Variants in MYO1D observed in about 807,000 individuals in gnomAD.
MYO1D encodes the protein myosin ID.
Under a neutral mutation model 122.0 loss-of-function variants are expected in MYO1D, and 83 were observed. The ratio of observed to expected loss-of-function variants is 0.68; its 90% CI spans 0.57 to 0.82. The LOEUF is 0.82. Among genes scored for constraint, MYO1D ranks in the 40% least tolerant of loss-of-function variants. The probability of loss-of-function intolerance (pLI) is 0.00; values close to 1 mark genes in which losing one functional copy is unlikely to be tolerated. For missense variants in MYO1D, 1,157 were observed against 1,269.5 expected, an observed-to-expected ratio of 0.91 and a Z score of 1.35; for synonymous variants, 464 against 446.9, an observed-to-expected ratio of 1.04 and a Z score of -0.48.
chr17:32,571,257 G>A (rs893435250), intron 21 of MYO1D, among the ~76,000 whole-genome samples: 5 of 152,040 alleles, frequency 3.3e-5, no homozygotes, highest in Admixed American at 1.3e-4. Context: ...GCAAACGAAC[G>A]GGTAAAGAAA....
At chr17:32,535,459 T>C (rs1910632674) in intron 21 of MYO1D, among the ~76,000 whole-genome samples, 1 of 152,212 alleles carries the variant, frequency 6.6e-6, no homozygotes, top group South Asian at 2.1e-4. Flanking sequence ...CAATACATTG[T>C]ACTTGTGGCC....
At chr17:32,822,494 G>A (rs1171034460) in intron 1 of MYO1D, among the ~76,000 whole-genome samples, 2 of 144,708 alleles carry the variant, frequency 1.4e-5, no homozygotes, top group South Asian at 2.2e-4. Flanking sequence ...GCGCGTCCCC[G>A]GTCGGCGCGC....
At chr17:32,610,874 C>G (rs1368628092) in intron 20 of MYO1D, among the ~76,000 whole-genome samples, 1 of 152,182 alleles carries the variant, frequency 6.6e-6, no homozygotes, top group African/African-American at 2.4e-5. Context: ...ATGCGTTTCT[C>G]CGAACAAAAG....
chr17:32,705,748 T>C (rs999148817), intron 16 of MYO1D, among the ~76,000 whole-genome samples: 11 of 152,340 alleles, frequency 7.2e-5, no homozygotes, highest in African/African-American at 2.4e-4. Context: ...TCATCTTGAA[T>C]TGTAGCTCCC....
intron 20 of MYO1D, among the ~76,000 whole-genome samples, chr17:32,616,653 A>C (rs966127758): frequency 1.3e-5 from 2 of 152,090 alleles, no homozygotes; most frequent in African/African-American, 4.8e-5. Flanking sequence ...TAACAAAAAT[A>C]ATTTTTAATC....
At chr17:32,799,349 T>C (rs751302622) in intron 1 of MYO1D, among the ~76,000 whole-genome samples, 20 of 152,330 alleles carry the variant, frequency 1.3e-4, no homozygotes, top group South Asian at 6.2e-4. Flanking sequence ...AAATAGTATA[T>C]TTTTTAAGTA....
chr17:32,654,682 CTCT>C, intron 17 of MYO1D, 61 bp from the exon 18 acceptor site: 1 of 1,427,816 alleles, frequency 7.0e-7, no homozygotes, highest in Non-Finnish European at 9.3e-7. Flanking sequence ...CATTCTCTCT[CTCT>C]TTTTTTTTTT....
At chr17:32,562,718 C>T (rs2087137108) in intron 21 of MYO1D, among the ~76,000 whole-genome samples, 1 of 152,044 alleles carries the variant, frequency 6.6e-6, no homozygotes, top group South Asian at 2.1e-4. Context: ...ATCCTCCTGC[C>T]TCACCTCCCA....
chr17:32,553,671 GT>G (rs1163497210), intron 21 of MYO1D, among the ~76,000 whole-genome samples: 2 of 152,220 alleles, frequency 1.3e-5, no homozygotes, highest in East Asian at 3.9e-4. Flanking sequence ...TCTTTGACAA[GT>G]TCTTCTTAGT....
At chr17:32,681,282 G>T in intron 16 of MYO1D, among the ~76,000 whole-genome samples, 1 of 147,176 alleles carries the variant, frequency 6.8e-6, no homozygotes. Flanking sequence ...GTTATTTCTT[G>T]CCTTCTGCTA....
intron 21 of MYO1D, among the ~76,000 whole-genome samples, chr17:32,521,618 G>A (rs1054474717): frequency 6.6e-6 from 1 of 152,116 alleles, no homozygotes; most frequent in African/African-American, 2.4e-5. Context: ...AGTACTTCTT[G>A]GTCCATAGAA....
intron 21 of MYO1D, among the ~76,000 whole-genome samples, chr17:32,519,535 C>G (rs1910034388): frequency 6.6e-6 from 1 of 151,882 alleles, no homozygotes; most frequent in Admixed American, 6.6e-5. Flanking sequence ...CAACGCCGGC[C>G]CCAGCGCCCG....
In MYO1D at chr17:32,654,497, C is replaced by T; in HGVS notation, c.2470G>A (p.Glu824Lys). ...RADLGLQRAWEGNYLASKPDT... is the reference protein window; with the variant it reads ...RADLGLQRAWKGNYLASKPDT... ...CTTACTGAAGCAAGATAGTTGCCCT[C>T]CCAGGCCCTCTGGAGCCCGAGGTCA... Residue 824 changes from glutamate to lysine, a missense_variant, in exon 18 of 22, where the codon GAG becomes AAG. Physicochemically the swap from Glu to Lys is moderately conservative, Grantham distance 56. Coordinates refer to ENST00000318217, the MANE Select transcript of MYO1D (RefSeq NM_015194.3). 1 of 1,613,568 alleles carries T rather than the reference C, an allele frequency of 6.2e-7. No homozygotes were observed. Among genetic ancestry groups the T allele is most frequent in the South Asian group, 1.1e-5 (1 of 90,942 alleles).
chr17:32,572,447 C>T (rs2087240505), intron 21 of MYO1D, among the ~76,000 whole-genome samples: 1 of 152,178 alleles, frequency 6.6e-6, no homozygotes, highest in African/African-American at 2.4e-5. Context: ...GTCATTTCTA[C>T]CTCCAAATAT....
intron 1 of MYO1D, among the ~76,000 whole-genome samples, chr17:32,833,059 C>T (rs376205321): frequency 1.3e-5 from 2 of 152,196 alleles, no homozygotes; most frequent in East Asian, 3.8e-4. Context: ...CCAGCTTGGA[C>T]TTCTAACCCA....
intron 16 of MYO1D, among the ~76,000 whole-genome samples, chr17:32,670,662 T>C (rs1385225208): frequency 6.6e-6 from 1 of 152,232 alleles, no homozygotes; most frequent in Non-Finnish European, 1.5e-5. Context: ...CTATTTTACA[T>C]ATACCCTTCC....
At chr17:32,778,054 AAC>A in intron 3 of MYO1D, among the ~76,000 whole-genome samples, 1 of 152,344 alleles carries the variant, frequency 6.6e-6, no homozygotes, top group Middle Eastern at 3.4e-3. Flanking sequence ...CTTCTCTCAG[AAC>A]ACAGTTTTTT....
intron 1 of MYO1D, among the ~76,000 whole-genome samples, chr17:32,818,239 T>C (rs1290306916): frequency 1.3e-5 from 2 of 151,710 alleles, no homozygotes; most frequent in Non-Finnish European, 2.9e-5. Context: ...ACCACACCTC[T>C]ATCCTGCAAA....
chr17:32,552,179 A>G (rs1444263878), intron 21 of MYO1D, among the ~76,000 whole-genome samples: 1 of 152,152 alleles, frequency 6.6e-6, no homozygotes, highest in Non-Finnish European at 1.5e-5. Flanking sequence ...GGACTCAAGC[A>G]ATCCTCCCAC....
Sources: allele counts gnomAD v4.1 joint callset (sites outside exome capture counted in the v4.1 genomes callset), GRCh38; gene constraint gnomAD v4.1.1; transcripts MANE v1.5; gene names NCBI Gene and HGNC (gene_info 2026-07-23, HGNC 2026-07-21).